LRRC37A2: variants seen among roughly 807,000 people sequenced by gnomAD.
LRRC37A2 encodes leucine-rich repeat-containing protein 37A2.
In LRRC37A2, 9 loss-of-function variants were observed where a neutral mutation model predicts 68.8. The ratio of observed to expected loss-of-function variants is 0.13; its 90% confidence interval spans 0.08 to 0.23. The LOEUF (loss-of-function observed/expected upper bound fraction) is 0.23. Among genes scored for constraint, LRRC37A2 ranks in the 10% least tolerant of loss-of-function variants. The pLI, the probability that LRRC37A2 is intolerant of heterozygous loss-of-function variation, is 1.00. For synonymous variants in LRRC37A2, 63 were observed against 367.6 expected, an observed-to-expected ratio of 0.17 and a Z score of 9.48; for missense variants, 168 against 950.4, an observed-to-expected ratio of 0.18 and a Z score of 10.82.
the LRRC37A2 span, among the ~76,000 whole-genome samples, chr17:46,744,516 A>G: frequency 1.4e-3 from 218 of 152,318 alleles, 2 homozygotes; most frequent in African/African-American, 5.2e-3. Context: ...TGATATGGAA[A>G]GAATGGCCTT....
At chr17:46,849,385 GC>G in the LRRC37A2 span, among the ~76,000 whole-genome samples, 2 of 152,218 alleles carry the variant, frequency 1.3e-5, no homozygotes, top group Non-Finnish European at 2.9e-5. Flanking sequence ...GTGCTTAGGG[GC>G]ATGAGAACAG....
In LRRC37A2 at chr17:46,545,259, C is replaced by G. The variant is rs1192865329; in HGVS notation, c.3054-996C>G. Among the ~76,000 whole-genome samples, 8 of 139,420 alleles carry G rather than the reference C, an allele frequency of 5.7e-5. No individual in the cohort carries two copies. The East Asian group carries it at 1.7e-3, about 29-fold the overall frequency. The allele number at this position is 139,420 out of a possible 152,430, so 91.5% of individuals were successfully genotyped here. A position where few individuals can be genotyped will look rare whatever the true frequency, so the allele number is the denominator to read the frequency against. ...CCAGCCTGAGCAACATGGGGAAACT[C>G]TGTCACTACTGAAAATACAAAAGTA... On this transcript the variant is annotated intron_variant, in intron 8 of 14. Transcript: ENST00000576629.
chr17:46,868,241 A>AT, the LRRC37A2 span, among the ~76,000 whole-genome samples: 404 of 152,330 alleles, frequency 2.7e-3, no homozygotes, highest in Non-Finnish European at 4.0e-3. Context: ...AACCCTGGTT[A>AT]CTTGTTTAAC....
the LRRC37A2 span, among the ~76,000 whole-genome samples, chr17:46,984,741 GA>G: frequency 6.6e-6 from 1 of 152,320 alleles, no homozygotes; most frequent in Admixed American, 6.5e-5. Flanking sequence ...CCGCCAGAAG[GA>G]AAATGCTTAA....
the LRRC37A2 span, among the ~76,000 whole-genome samples, chr17:46,642,158 TATC>T: frequency 9.2e-6 from 1 of 108,526 alleles, no homozygotes; most frequent in Non-Finnish European, 1.8e-5. Flanking sequence ...ACCATAAAAT[TATC>T]ATCTAGTATA....
chr17:46,923,410 A>G, the LRRC37A2 span: 1 of 1,444,550 alleles, frequency 6.9e-7, no homozygotes, highest in Admixed American at 2.7e-5. Context: ...CAGTGGGTTC[A>G]GGCTGGGGCC....
At chr17:46,740,919 C>T in the LRRC37A2 span, among the ~76,000 whole-genome samples, 2 of 152,140 alleles carry the variant, frequency 1.3e-5, no homozygotes, top group African/African-American at 4.8e-5. Context: ...GTCTCAATAT[C>T]TTCTTAATTT....
chr17:47,047,656 T>A, the LRRC37A2 span, among the ~76,000 whole-genome samples: 4 of 151,936 alleles, frequency 2.6e-5, no homozygotes, highest in African/African-American at 9.7e-5. Context: ...CTCTGCCTTA[T>A]AGGACAGATG....
At chr17:46,977,572 T>C in the LRRC37A2 span, among the ~76,000 whole-genome samples, 242 of 152,350 alleles carry the variant, frequency 1.6e-3, 1 homozygote, top group Middle Eastern at 6.8e-3. Context: ...CATCCTGTAA[T>C]GGGAGGCTCC....
the LRRC37A2 span, among the ~76,000 whole-genome samples, chr17:46,967,546 G>T: frequency 1.3e-5 from 2 of 152,164 alleles, no homozygotes; most frequent in African/African-American, 4.8e-5. Context: ...GGCATTTTGG[G>T]GGAAGCAGAG....
the LRRC37A2 span, among the ~76,000 whole-genome samples, chr17:46,879,171 A>G: frequency 1.3e-5 from 2 of 152,370 alleles, no homozygotes; most frequent in African/African-American, 2.4e-5. Context: ...TATAGTTGCT[A>G]TATTTCACAG....
the LRRC37A2 span, among the ~76,000 whole-genome samples, chr17:47,034,168 C>G: frequency 1.3e-5 from 2 of 152,150 alleles, no homozygotes; most frequent in Non-Finnish European, 2.9e-5. Flanking sequence ...AGACCCCAAT[C>G]TCTACAAAAA....
the LRRC37A2 span, chr17:46,875,116 C>T: frequency 6.2e-7 from 1 of 1,613,876 alleles, no homozygotes; most frequent in African/African-American, 1.3e-5. Context: ...AAAGAGACAG[C>T]TTTCCTGTAC....
chr17:46,869,028 G>A, the LRRC37A2 span, among the ~76,000 whole-genome samples: 21 of 152,302 alleles, frequency 1.4e-4, no homozygotes, highest in African/African-American at 4.6e-4. Context: ...AATAAACAGA[G>A]GGAAACTGGG....
At chr17:46,771,270 G>A in the LRRC37A2 span, among the ~76,000 whole-genome samples, 71 of 152,238 alleles carry the variant, frequency 4.7e-4, no homozygotes, top group African/African-American at 1.5e-3. Flanking sequence ...CGGCAAGGGG[G>A]CCCGACGTCC....
At chr17:46,785,878 TG>T in the LRRC37A2 span, among the ~76,000 whole-genome samples, 1 of 152,146 alleles carries the variant, frequency 6.6e-6, no homozygotes, top group Non-Finnish European at 1.5e-5. Context: ...GGCGGGGCAG[TG>T]CCTGGGCTGG....
chr17:46,699,203 TCAGG>T, the LRRC37A2 span, among the ~76,000 whole-genome samples: 1 of 106,640 alleles, frequency 9.4e-6, no homozygotes, highest in African/African-American at 3.6e-5. Context: ...AACTGTTTTT[TCAGG>T]TTTTCTGAGA....
chr17:46,716,383 A>G, the LRRC37A2 span, among the ~76,000 whole-genome samples: 2 of 151,904 alleles, frequency 1.3e-5, no homozygotes, highest in South Asian at 2.1e-4. Context: ...CAGCCTCCCA[A>G]GTAGCTGGGA....
the LRRC37A2 span, among the ~76,000 whole-genome samples, chr17:46,869,676 G>A: frequency 6.6e-5 from 10 of 152,258 alleles, no homozygotes; most frequent in East Asian, 1.9e-4. Flanking sequence ...TTGAGCCTTC[G>A]CTCCACACTA....
Sources: gnomAD v4.1 joint callset for allele counts (sites outside exome capture counted in the v4.1 genomes callset) on GRCh38, gnomAD v4.1.1 for gene constraint, MANE v1.5 for transcripts, NCBI Gene and HGNC (gene_info 2026-07-23, HGNC 2026-07-21) for gene names.